TPP2: variants seen among roughly 807,000 people sequenced by gnomAD.
The protein encoded by TPP2 is tripeptidyl peptidase 2, also known as tripeptidyl-peptidase 2.
TPP2 carries 34 observed loss-of-function variants against 155.9 expected under a neutral mutation model. The ratio of observed to expected loss-of-function variants is 0.22; its 90% confidence interval spans 0.17 to 0.29. The LOEUF is 0.29. Ranked by LOEUF, TPP2 falls within the 10% of genes least tolerant of loss-of-function variation. TPP2 has a pLI of 1.00. For missense variants in TPP2, 1,028 were observed against 1,522.3 expected, an observed-to-expected ratio of 0.68 and a Z score of 5.40; for synonymous variants, 510 against 529.4, an observed-to-expected ratio of 0.96 and a Z score of 0.50.
chr13:102,674,507 T>G lies in TPP2; in HGVS notation c.3579+17T>G, dbSNP rs747793984. ...GACAATAAGGTAACGTTTCTGCTTC[T>G]TGTTTCAGCAAAGTTCTTGGGGTTA... is the stretch of plus-strand genomic sequence containing the variant. On this transcript the variant is annotated intron_variant, in intron 28 of 29. Transcript: ENST00000376052. 8 of 1,612,910 alleles carry G rather than the reference T, an allele frequency of 5.0e-6. No individual in the cohort carries two copies. The highest frequency in any genetic ancestry group is 5.1e-6 in the Non-Finnish European group (6 of 1,179,262).
chr13:102,619,625 TCTC>T (rs1458050978), intron 5 of TPP2, among the ~76,000 whole-genome samples: 2 of 152,182 alleles, frequency 1.3e-5, no homozygotes, highest in African/African-American at 4.8e-5. Flanking sequence ...AAAGGAGGGT[TCTC>T]CTCCCACGTG....
At chr13:102,622,666 T>C (rs1405653633) in intron 5 of TPP2, among the ~76,000 whole-genome samples, 3 of 152,176 alleles carry the variant, frequency 2.0e-5, no homozygotes, top group African/African-American at 7.2e-5. Context: ...TTAAAGCACT[T>C]TGTGCATGAT....
intron 4 of TPP2, 133 bp downstream of exon 4, chr13:102,616,633 T>C: frequency 1.5e-6 from 1 of 652,064 alleles, no homozygotes; most frequent in Non-Finnish European, 2.4e-6. Context: ...TTAATTTTAC[T>C]AATTTTTCCT....
In TPP2 at chr13:102,679,730, T is replaced by C. The variant is rs139045375; in HGVS notation, c.*1414T>C. ...CTGCACACACATACAGGTCCCCATT[T>C]GTATAGGTTTAGTCCAGTAAGAGAA... On this transcript the variant is annotated 3_prime_UTR_variant, in exon 30 of 30. Transcript: ENST00000376052. The C allele has an allele frequency of 5.3e-5, 8 of 152,364 alleles. No homozygotes were observed. In the East Asian group the frequency reaches 1.5e-3, roughly 29 times the overall value. The allele number at this position is 152,364 out of a possible 1,614,324, so 9.4% of individuals were successfully genotyped here.
intron 6 of TPP2, 192 bp from the exon 7 acceptor site, chr13:102,626,820 T>G (rs1566335904): frequency 2.6e-6 from 1 of 382,992 alleles, no homozygotes; most frequent in African/African-American, 2.1e-5. Context: ...TTATATATTC[T>G]GGATATAAAG....
At chr13:102,663,228 A>G (rs563175247) in intron 25 of TPP2, among the ~76,000 whole-genome samples, 1 of 152,084 alleles carries the variant, frequency 6.6e-6, no homozygotes, top group Non-Finnish European at 1.5e-5. Flanking sequence ...GCTCACTGCA[A>G]CCTCTGCCTC....
At chr13:102,663,093 C>G (rs2139588567) in intron 25 of TPP2, among the ~76,000 whole-genome samples, 1 of 149,950 alleles carries the variant, frequency 6.7e-6, no homozygotes, top group East Asian at 1.9e-4. Context: ...TTATTGAACT[C>G]TTAATTGGAA....
chr13:102,655,265 C>T (rs1389215815), intron 24 of TPP2, among the ~76,000 whole-genome samples: 2 of 152,056 alleles, frequency 1.3e-5, no homozygotes, highest in Admixed American at 1.3e-4. Flanking sequence ...ATATTTGTGT[C>T]GTATATGCTC....
chr13:102,666,769 T>C (rs1373271143), intron 27 of TPP2, among the ~76,000 whole-genome samples: 1 of 128,582 alleles, frequency 7.8e-6, no homozygotes, highest in Non-Finnish European at 1.6e-5. Flanking sequence ...TTAATCTCTT[T>C]TTTTTTTTTT....
Position 102,678,391 on chromosome 13 carries a change from T to G in TPP2, c.*75T>G. 7.5e-7 allele frequency: 1 copy of G among 1,329,802 alleles called. No individual in the cohort carries two copies. The highest frequency in any genetic ancestry group is 1.1e-6 in the Non-Finnish European group (1 of 938,310). The allele number at this position is 1,329,802 out of a possible 1,614,324, so 82.4% of individuals were successfully genotyped here. On this transcript the variant is annotated 3_prime_UTR_variant, in exon 30 of 30. Coordinates refer to ENST00000376052, the MANE Select transcript of TPP2 (RefSeq NM_001330588.2). ...GGGTATAAAAACAAATTTGTGGCAT[T>G]TTTAGTCTAATGCATGTTTTCATCC...
intron 23 of TPP2, 135 bp downstream of exon 23, chr13:102,649,621 TC>T: frequency 4.3e-6 from 3 of 694,696 alleles, no homozygotes; most frequent in Admixed American, 3.2e-5. Context: ...AATCCTTTTT[TC>T]CCAGGTTACT....
chr13:102,669,703 C>T lies in TPP2; in HGVS notation c.3372-4580C>T, dbSNP rs891640597. 5.9e-5 allele frequency among the ~76,000 whole-genome samples: 9 copies of T among 152,120 alleles called. No homozygotes were observed. In the South Asian group the frequency reaches 6.2e-4, roughly 11 times the overall value. ...GTTTAGTCTTTGGGTAAGTTGAAATCGTTTAGATAAATTTGTCCAATTTTG... is the reference window on the plus strand; with the variant it reads ...GTTTAGTCTTTGGGTAAGTTGAAATTGTTTAGATAAATTTGTCCAATTTTG... On this transcript the variant is annotated intron_variant, in intron 27 of 29. Transcript: ENST00000376052.
At chr13:102,600,456 G>A (rs1175166752) in intron 1 of TPP2, among the ~76,000 whole-genome samples, 1 of 152,006 alleles carries the variant, frequency 6.6e-6, no homozygotes, top group African/African-American at 2.4e-5. Context: ...AGCTTCAGAG[G>A]TGAGTAAGGC....
At chr13:102,633,857 A>C in intron 10 of TPP2, 93 bp from the exon 11 acceptor site, 2 of 1,551,784 alleles carry the variant, frequency 1.3e-6, no homozygotes, top group South Asian at 2.4e-5. Flanking sequence ...ACATAGTGTT[A>C]TACTATTGGA....
intron 25 of TPP2, among the ~76,000 whole-genome samples, 184 bp from the exon 26 acceptor site, chr13:102,663,464 T>C (rs992663470): frequency 1.3e-5 from 2 of 152,240 alleles, no homozygotes; most frequent in Non-Finnish European, 2.9e-5. Context: ...TTTATTTTTG[T>C]TTTCTAGTTA....
Position 102,674,476 on chromosome 13 carries a change from C to A in TPP2, c.3565C>A (p.Leu1189Ile). 6.2e-7 allele frequency: 1 copy of A among 1,613,704 alleles called. No individual in the cohort carries two copies. Among genetic ancestry groups the A allele is most frequent in the South Asian group, 1.1e-5 (1 of 91,050 alleles). Residue 1189 changes from leucine (L) to isoleucine (I), a missense_variant, in exon 28 of 30, where the codon CTC becomes ATC. Physicochemically the swap from Leu to Ile is conservative, Grantham distance 5. Around this residue, in one of 7 missense-constraint regions of TPP2, gnomAD observed 116 missense variants for 117.3 expected, o/e 0.99. Coordinates refer to ENST00000376052, the MANE Select transcript of TPP2 (RefSeq NM_001330588.2). ...TTGGGAAACTACTAAATGGACTGAT[C>A]TCTTTGACAATAAGGTAACGTTTCT... ...TFWETTKWTD[L>I]FDNKVLTFAY...
At chr13:102,628,764 T>C (rs1881819808) in intron 8 of TPP2, among the ~76,000 whole-genome samples, 3 of 152,322 alleles carry the variant, frequency 2.0e-5, no homozygotes, top group South Asian at 4.1e-4. Flanking sequence ...CACCCTGTTA[T>C]CATGAGTCAT....
chr13:102,631,855 CTT>C (rs1882039181), intron 10 of TPP2, among the ~76,000 whole-genome samples: 1 of 152,208 alleles, frequency 6.6e-6, no homozygotes, highest in South Asian at 2.1e-4. Flanking sequence ...GTTCTGTAAT[CTT>C]TGAAAAACGC....
chr13:102,614,300 A>C (rs1164577835), intron 3 of TPP2, 104 bp downstream of exon 3: 2 of 1,069,602 alleles, frequency 1.9e-6, no homozygotes, highest in East Asian at 5.4e-5. Context: ...AAATCTCATT[A>C]ACTTAGTTTT....
Sources: gnomAD v4.1 joint callset for allele counts (sites outside exome capture counted in the v4.1 genomes callset) on GRCh38, gnomAD v4.1.1 for gene constraint, gnomAD v4.1.1 regional missense constraint, MANE v1.5 for transcripts, NCBI Gene and HGNC (gene_info 2026-07-23, HGNC 2026-07-21) for gene names.